Variants in PCSK5 observed in about 807,000 individuals in gnomAD.
PCSK5 encodes prohormone convertase 5.
PCSK5 carries 129 observed loss-of-function variants against 233.2 expected under a neutral mutation model. The ratio of observed to expected loss-of-function variants is 0.55; its 90% confidence interval spans 0.48 to 0.64. The LOEUF (loss-of-function observed/expected upper bound fraction) is 0.64. PCSK5 is among the 30% of genes least tolerant of loss of function. PCSK5 has a pLI of 0.00. For synonymous variants in PCSK5, 825 were observed against 879.2 expected (o/e 0.94, Z 1.09); for missense variants, 2,076 against 2,430.1 (o/e 0.85, Z 3.06).
rs758605100 is a variant in PCSK5, at chr9:76,159,130, G to A, written c.1578G>A (p.Leu526=). 12 of 1,613,996 alleles carry A rather than the reference G, an allele frequency of 7.4e-6. No individual in the cohort carries two copies. The Admixed American group carries it at 2.0e-4, about 27-fold the overall frequency. The part of the protein sequence containing the change: ...HPRRGDLAIY[L]TSPSGTRSQL... The stretch of plus-strand genomic sequence containing the variant: ...GGAGAGGAGACCTGGCCATCTACCT[G>A]ACCTCGCCCTCTGGAACTAGGTCTC... The change falls in exon 12 of 38, where the codon CTG becomes CTA. Residue 526 remains leucine, a synonymous_variant. Transcript: ENST00000674117.
intron 12 of PCSK5, among the ~76,000 whole-genome samples, chr9:76,159,835 T>C (rs1302873714): frequency 1.3e-5 from 2 of 148,252 alleles, no homozygotes; most frequent in East Asian, 2.0e-4. Flanking sequence ...TTTTTTTTTT[T>C]TTTTGAGAGA....
chr9:76,189,817 T>C, intron 20 of PCSK5, 71 bp downstream of exon 20: 1 of 819,870 alleles, frequency 1.2e-6, no homozygotes, highest in South Asian at 1.6e-5. Context: ...CTAATATTTT[T>C]CCACTTAAAA....
chr9:76,046,157 T>TTTG (rs1472642201), intron 5 of PCSK5, among the ~76,000 whole-genome samples: 4 of 115,304 alleles, frequency 3.5e-5, no homozygotes, highest in South Asian at 2.6e-4. Context: ...AATTTTTTCT[T>TTTG]TTGTTTTTTT....
intron 18 of PCSK5, 127 bp downstream of exon 18, chr9:76,188,802 T>C: frequency 1.4e-6 from 1 of 701,426 alleles, no homozygotes; most frequent in Admixed American, 2.6e-5. Context: ...ATTTCTCGTT[T>C]GATAATTGTG....
intron 24 of PCSK5, among the ~76,000 whole-genome samples, chr9:76,252,190 C>T (rs971093968): frequency 6.6e-6 from 1 of 152,160 alleles, no homozygotes; most frequent in Admixed American, 6.5e-5. Flanking sequence ...AAGGCGTGAA[C>T]CTGGGAGGCG....
intron 34 of PCSK5, among the ~76,000 whole-genome samples, chr9:76,334,475 A>G (rs1389424583): frequency 6.6e-6 from 1 of 152,192 alleles, no homozygotes; most frequent in Non-Finnish European, 1.5e-5. Context: ...GCTCACGCCT[A>G]TAATCCCAGC....
intron 20 of PCSK5, among the ~76,000 whole-genome samples, chr9:76,212,596 T>C (rs1825373475): frequency 1.3e-5 from 2 of 152,242 alleles, no homozygotes; most frequent in South Asian, 4.1e-4. Flanking sequence ...TCCCAGGCTC[T>C]GGCAATGCTA....
intron 7 of PCSK5, among the ~76,000 whole-genome samples, chr9:76,082,895 TC>T (rs1422295847): frequency 1.3e-5 from 2 of 152,006 alleles, no homozygotes; most frequent in African/African-American, 2.4e-5. Context: ...TTACCAGTAT[TC>T]CCATTATTAT....
intron 9 of PCSK5, among the ~76,000 whole-genome samples, chr9:76,113,440 G>T (rs188613537): frequency 6.6e-6 from 1 of 152,284 alleles, no homozygotes; most frequent in Admixed American, 6.5e-5. Flanking sequence ...TAATTCAGAT[G>T]AATCAACCAC....
At chr9:75,995,571 G>T (rs1826978900) in intron 3 of PCSK5, among the ~76,000 whole-genome samples, 1 of 152,120 alleles carries the variant, frequency 6.6e-6, no homozygotes, top group South Asian at 2.1e-4. Flanking sequence ...ATTGGGAGTT[G>T]TGTTCCTGAG....
chr9:75,980,856 G>A (rs1216602005), intron 2 of PCSK5, among the ~76,000 whole-genome samples: 1 of 151,732 alleles, frequency 6.6e-6, no homozygotes, highest in Non-Finnish European at 1.5e-5. Context: ...CCACATGTCA[G>A]TACTAAAACG....
chr9:76,249,026 G>T (rs1224541223), intron 24 of PCSK5, among the ~76,000 whole-genome samples: 1 of 152,236 alleles, frequency 6.6e-6, no homozygotes, highest in Non-Finnish European at 1.5e-5. Context: ...GCCTCCCAAA[G>T]TACTGGGATT....
At chr9:76,236,672 C>T (rs1353343) in intron 22 of PCSK5, among the ~76,000 whole-genome samples, 62,018 of 151,958 alleles carry the variant, frequency 0.41, 13,496 homozygotes, top group East Asian at 0.75. Context: ...CCAAACCTGT[C>T]GGAAAAGCTG....
rs142085802 is a variant in PCSK5, at chr9:75,944,987, T to A, written c.297+12504T>A. ...AGCCGGGTGTAGTGGTGCATGCCTG[T>A]AATCCCAACTACTCGGGAGGCTGAG... On this transcript the variant is annotated intron_variant, in intron 2 of 37. Coordinates refer to ENST00000674117, the MANE Select transcript of PCSK5 (RefSeq NM_001372043.1). Among the ~76,000 whole-genome samples, 628 of 151,982 alleles carry A rather than the reference T, an allele frequency of 4.1e-3. 4 individuals are homozygous for A. Among genetic ancestry groups the A allele is most frequent in the African/African-American group, 0.014 (583 of 41,478 alleles).
chr9:76,282,320 TTTTC>T (rs1314205418), intron 24 of PCSK5, among the ~76,000 whole-genome samples: 7 of 148,584 alleles, frequency 4.7e-5, no homozygotes, highest in Non-Finnish European at 7.4e-5. Context: ...CTTTCTTTCT[TTTTC>T]TTTCTTTCTT....
At chr9:75,969,250 C>T (rs963128853) in intron 2 of PCSK5, among the ~76,000 whole-genome samples, 6 of 152,138 alleles carry the variant, frequency 3.9e-5, no homozygotes, top group East Asian at 1.9e-4. Flanking sequence ...AAAGTAGGTC[C>T]GCAAGTTTCA....
chr9:76,273,732 T>C (rs1827604125), intron 24 of PCSK5, among the ~76,000 whole-genome samples: 1 of 151,298 alleles, frequency 6.6e-6, no homozygotes, highest in Non-Finnish European at 1.5e-5. Context: ...TCCTGGGCTC[T>C]AGAGATCCTC....
At chr9:76,116,138 G>A (rs931567761) in intron 9 of PCSK5, among the ~76,000 whole-genome samples, 11 of 152,120 alleles carry the variant, frequency 7.2e-5, no homozygotes, top group East Asian at 1.9e-4. Context: ...CAGATTGAAA[G>A]CATGTCATTT....
At chr9:76,210,124 A>AG (rs1435756227) in intron 20 of PCSK5, among the ~76,000 whole-genome samples, 1 of 152,182 alleles carries the variant, frequency 6.6e-6, no homozygotes, top group East Asian at 1.9e-4. Context: ...CAAGTCCAAG[A>AG]GTTTTTTTAG....
Sources: gnomAD v4.1 joint callset for allele counts (sites outside exome capture counted in the v4.1 genomes callset) on GRCh38, gnomAD v4.1.1 for gene constraint, MANE v1.5 for transcripts, NCBI Gene and HGNC (gene_info 2026-07-23, HGNC 2026-07-21) for gene names.